Variants in PLCB1 observed in about 807,000 individuals in gnomAD.
PLCB1 encodes the protein 1-phosphatidylinositol 4,5-bisphosphate phosphodiesterase beta-1.
PLCB1 carries 46 observed loss-of-function variants against 161.8 expected under a neutral mutation model. The ratio of observed to expected loss-of-function variants is 0.28; its 90% CI spans 0.22 to 0.36. PLCB1 has a LOEUF of 0.36. PLCB1 is among the 10% of genes least tolerant of loss of function. The pLI, the probability that PLCB1 is intolerant of heterozygous loss-of-function variation, is 1.00. For missense variants in PLCB1, 1,016 were observed against 1,472.5 expected, an observed-to-expected ratio of 0.69 and a Z score of 5.07; for synonymous variants, 517 against 503.7, an observed-to-expected ratio of 1.03 and a Z score of -0.35.
chr20:8,637,657 T>G (rs1351811751), intron 4 of PLCB1, among the ~76,000 whole-genome samples: 1 of 152,182 alleles, frequency 6.6e-6, no homozygotes, highest in African/African-American at 2.4e-5. Context: ...CTTAAAAAGA[T>G]AAATATATAC....
chr20:8,422,495 G>A (rs1979580363), intron 3 of PLCB1, among the ~76,000 whole-genome samples: 1 of 152,100 alleles, frequency 6.6e-6, no homozygotes, highest in Non-Finnish European at 1.5e-5. Flanking sequence ...ATTGATAGGG[G>A]TTACATGGGT....
intron 3 of PLCB1, among the ~76,000 whole-genome samples, chr20:8,489,861 A>G (rs1242194556): frequency 6.6e-6 from 1 of 152,232 alleles, no homozygotes; most frequent in Non-Finnish European, 1.5e-5. Context: ...TTCTTCCTGC[A>G]AATTTGGGAT....
intron 3 of PLCB1, among the ~76,000 whole-genome samples, chr20:8,558,319 GAATT>G (rs1322343964): frequency 1.3e-5 from 2 of 150,562 alleles, no homozygotes; most frequent in South Asian, 2.1e-4. Context: ...ACAAAATAAA[GAATT>G]AAATAAATAA....
intron 1 of PLCB1, among the ~76,000 whole-genome samples, chr20:8,142,448 G>A (rs2051414203): frequency 6.6e-6 from 1 of 152,222 alleles, no homozygotes; most frequent in Admixed American, 6.5e-5. Context: ...GCTCACTGCT[G>A]TTACAGTGCT....
chr20:8,430,949 A>G (rs1056871755), intron 3 of PLCB1, among the ~76,000 whole-genome samples: 25 of 152,120 alleles, frequency 1.6e-4, no homozygotes, highest in African/African-American at 6.0e-4. Context: ...ACAGAGCAAG[A>G]CCATGTCTCA....
At chr20:8,644,721 G>C (rs76351548) in intron 4 of PLCB1, among the ~76,000 whole-genome samples, 1,767 of 148,554 alleles carry the variant, frequency 0.012, 37 homozygotes, top group African/African-American at 0.042. Context: ...TCAGCCCCCC[G>C]CCCTGCCAGC....
At chr20:8,497,942 C>T (rs182881313) in intron 3 of PLCB1, among the ~76,000 whole-genome samples, 2 of 152,252 alleles carry the variant, frequency 1.3e-5, no homozygotes, top group Admixed American at 1.3e-4. Context: ...TTTCACAAGT[C>T]TTCAGAACCT....
intron 1 of PLCB1, among the ~76,000 whole-genome samples, chr20:8,142,324 C>T (rs79444732): frequency 0.012 from 1,813 of 152,278 alleles, 34 homozygotes; most frequent in African/African-American, 0.04. Context: ...CACCTTGCTC[C>T]TTGTCCTTCC....
intron 2 of PLCB1, among the ~76,000 whole-genome samples, chr20:8,321,418 A>T (rs1051834104): frequency 6.6e-6 from 1 of 152,156 alleles, no homozygotes; most frequent in African/African-American, 2.4e-5. Flanking sequence ...ATAAACTTCC[A>T]TGATCTGCTG....
chr20:8,473,375 ATTTCT>A lies in PLCB1; in HGVS notation c.246+101928_246+101932del, dbSNP rs141225276. Among the ~76,000 whole-genome samples, 1,458 of 152,308 alleles carry A rather than the reference ATTTCT, an allele frequency of 9.6e-3. 25 individuals carry two copies. The highest frequency in any genetic ancestry group is 0.033 in the African/African-American group (1,354 of 41,572). On this transcript the variant is annotated intron_variant, in intron 3 of 31. Coordinates refer to ENST00000338037, the MANE Select transcript of PLCB1 (RefSeq NM_015192.4). The stretch of plus-strand genomic sequence containing the variant: ...AATTAATATATCCACATGTTAAGTA[ATTTCT>A]TTAATAAGTTCTCTTCAAATTAGTT...
At chr20:8,376,927 CAAAAAA>C (rs113346186) in intron 3 of PLCB1, among the ~76,000 whole-genome samples, 1 of 134,072 alleles carries the variant, frequency 7.5e-6, no homozygotes, top group African/African-American at 2.7e-5. Context: ...GACTCCATCT[CAAAAAA>C]AAAAAAGAAA....
At position 8,632,041 on chromosome 20, in the gene PLCB1, T is replaced by G. The variant is rs13039279; in HGVS notation, c.384+3610T>G. Among the ~76,000 whole-genome samples, 172 of 38,330 alleles carry G rather than the reference T, an allele frequency of 4.5e-3. 3 individuals are homozygous for G. The highest frequency in any genetic ancestry group is 8.5e-3 in the South Asian group (10 of 1,172). The allele number at this position is 38,330 out of a possible 152,430, so 25.1% of individuals were successfully genotyped here. ...CAAATATGGGTTTTTTTTGCTTTTT[T>G]TTTTTTTTTTTTTTTTTTTTTTTTT... On this transcript the variant is annotated intron_variant, in intron 4 of 31. Transcript: ENST00000338037.
intron 25 of PLCB1, among the ~76,000 whole-genome samples, chr20:8,762,427 G>A (rs563695011): frequency 4.6e-5 from 7 of 152,214 alleles, no homozygotes; most frequent in African/African-American, 1.7e-4. Context: ...ATACTTAAGA[G>A]CATAGTCTAA....
intron 9 of PLCB1, among the ~76,000 whole-genome samples, chr20:8,677,232 A>G (rs1194545588): frequency 1.3e-5 from 2 of 151,960 alleles, no homozygotes; most frequent in East Asian, 3.9e-4. Context: ...CATCTCTACT[A>G]AAAATACAAA....
At chr20:8,750,789 A>G in intron 23 of PLCB1, 5 of 1,304,732 alleles carry the variant, frequency 3.8e-6, no homozygotes, top group Non-Finnish European at 5.2e-6. Flanking sequence ...TTCTGACAAT[A>G]TTTGTCCTGA....
intron 2 of PLCB1, among the ~76,000 whole-genome samples, chr20:8,216,011 T>C (rs145413996): frequency 6.6e-6 from 1 of 152,246 alleles, no homozygotes; most frequent in African/African-American, 2.4e-5. Context: ...TTTATGCTTT[T>C]CATTTAAAAA....
intron 3 of PLCB1, among the ~76,000 whole-genome samples, chr20:8,508,819 A>G (rs558447446): frequency 6.6e-6 from 1 of 152,112 alleles, no homozygotes; most frequent in Non-Finnish European, 1.5e-5. Context: ...ATATTTTACT[A>G]TGTATACAAT....
At chr20:8,839,746 A>AC (rs1381595180) in intron 31 of PLCB1, among the ~76,000 whole-genome samples, 1 of 140,214 alleles carries the variant, frequency 7.1e-6, no homozygotes, top group East Asian at 2.6e-4. Flanking sequence ...AAAAAAAAAA[A>AC]AAAAAAGCCT....
At chr20:8,365,194 A>G (rs892327202) in intron 2 of PLCB1, among the ~76,000 whole-genome samples, 3 of 152,230 alleles carry the variant, frequency 2.0e-5, no homozygotes, top group African/African-American at 7.2e-5. Flanking sequence ...TGAGGATACA[A>G]GGCATGCATG....
Sources: gnomAD v4.1 joint callset for allele counts (sites outside exome capture counted in the v4.1 genomes callset) on GRCh38, gnomAD v4.1.1 for gene constraint, MANE v1.5 for transcripts, NCBI Gene and HGNC (gene_info 2026-07-23, HGNC 2026-07-21) for gene names.